The following NRDE2 variants were observed in gnomAD, a reference collection of about 807,000 sequenced individuals.
The protein encoded by NRDE2 is NRDE-2, necessary for RNA interference, domain containing.
A neutral mutation model predicts 124.2 loss-of-function variants in NRDE2; 76 were observed. The observed-to-expected ratio is 0.61, with a 90% CI of 0.51 to 0.74. The LOEUF is 0.74. Among genes scored for constraint, NRDE2 ranks in the 30% least tolerant of loss-of-function variants. NRDE2 has a pLI of 0.00. For missense variants in NRDE2, 1,314 were observed against 1,417.3 expected (o/e 0.93, Z 1.17); for synonymous variants, 489 against 528.1 (o/e 0.93, Z 1.01).
intron 4 of NRDE2, among the ~76,000 whole-genome samples, chr14:90,307,237 T>C (rs1260711231): frequency 1.3e-5 from 2 of 152,232 alleles, no homozygotes; most frequent in Non-Finnish European, 2.9e-5. Context: ...GAAAATATAA[T>C]TTGTATTGAC....
chr14:90,292,828 C>A lies in NRDE2; in HGVS notation c.1711G>T (p.Asp571Tyr). Residue 571 changes from aspartate to tyrosine, a missense_variant, in exon 9 of 14, where the codon GAT becomes TAT. Transcript: ENST00000354366. Reference sequence around the variant, plus strand: ...ATCTGCCACCTGGGCAGAGTCTTATCTTTTATTTCCTGGTCATCCTCTTCT... The same window carrying A: ...ATCTGCCACCTGGGCAGAGTCTTATATTTTATTTCCTGGTCATCCTCTTCT... ...EPEEDDQEIKDKTLPRWQIWL... is the reference protein window; with the variant it reads ...EPEEDDQEIKYKTLPRWQIWL... 1 of 1,614,176 alleles carries A rather than the reference C, an allele frequency of 6.2e-7. No individual in the cohort carries two copies. The highest frequency in any genetic ancestry group is 1.6e-4 in the Middle Eastern group (1 of 6,062).
At chr14:90,318,676 T>TGTAA (rs1442250075) in intron 1 of NRDE2, among the ~76,000 whole-genome samples, 6 of 152,158 alleles carry the variant, frequency 3.9e-5, no homozygotes, top group Non-Finnish European at 7.3e-5. Flanking sequence ...AGCACACGCC[T>TGTAA]GTAATCCCAG....
intron 3 of NRDE2, among the ~76,000 whole-genome samples, chr14:90,313,168 C>T (rs190074824): frequency 1.5e-4 from 22 of 147,948 alleles, no homozygotes; most frequent in African/African-American, 5.5e-4. Context: ...GCTCTGTCAC[C>T]CAGGCTGGAG....
intron 2 of NRDE2, chr14:90,317,575 A>C (rs1268406355): frequency 6.5e-6 from 1 of 153,336 alleles, no homozygotes; most frequent in Non-Finnish European, 1.5e-5. Context: ...ATCTAAAACA[A>C]AATTCTTTCA....
intron 4 of NRDE2, among the ~76,000 whole-genome samples, chr14:90,308,996 A>G (rs1441383604): frequency 6.6e-6 from 1 of 151,810 alleles, no homozygotes; most frequent in Non-Finnish European, 1.5e-5. Flanking sequence ...TAATCCCAGC[A>G]CTTTGGGAGG....
chr14:90,306,809 C>CAA (rs34221775), intron 4 of NRDE2, among the ~76,000 whole-genome samples: 195 of 135,408 alleles, frequency 1.4e-3, no homozygotes, highest in African/African-American at 4.2e-3. Context: ...GACTTGGTCT[C>CAA]AAAAAAAAAA....
chr14:90,321,610 AATC>A (rs1193137992), intron 1 of NRDE2, among the ~76,000 whole-genome samples: 2 of 151,892 alleles, frequency 1.3e-5, no homozygotes, highest in Admixed American at 1.3e-4. Context: ...TTTGAACATG[AATC>A]ATCATGGATC....
intron 12 of NRDE2, chr14:90,281,500 T>G (rs574940489): frequency 3.3e-5 from 5 of 152,314 alleles, no homozygotes; most frequent in African/African-American, 1.2e-4. Flanking sequence ...CGAGTAACAG[T>G]GGCAGGCAGC....
chr14:90,268,029 T>C lies in NRDE2; in HGVS notation c.*10307A>G. 2 of 506,266 alleles carry C rather than the reference T, an allele frequency of 4.0e-6. No homozygotes were observed. Among genetic ancestry groups the C allele is most frequent in the Non-Finnish European group, 6.9e-6 (2 of 289,494 alleles). The allele number at this position is 506,266 out of a possible 1,614,324, so 31.4% of individuals were successfully genotyped here. ...AAAATAGCTAAGGATAATCCAAACA[T>C]GTTAGTAGATTTTTCTAAATGTCCT... On this transcript the variant is annotated 3_prime_UTR_variant, in exon 14 of 14. Coordinates refer to ENST00000354366, the MANE Select transcript of NRDE2 (RefSeq NM_017970.4).
At chr14:90,311,266 T>G (rs1320451207) in intron 4 of NRDE2, among the ~76,000 whole-genome samples, 1 of 152,228 alleles carries the variant, frequency 6.6e-6, no homozygotes, top group East Asian at 1.9e-4. Context: ...GTTATTGTTC[T>G]TTATGTTCCC....
Position 90,277,215 on chromosome 14 carries a change from G to GCTCT in NRDE2, c.*1117_*1120dup, listed in dbSNP as rs1332228776. 1.3e-5 allele frequency: 2 copies of GCTCT among 152,318 alleles called. No homozygotes were observed. The highest frequency in any genetic ancestry group is 2.4e-5 in the African/African-American group (1 of 41,446). The allele number at this position is 152,318 out of a possible 1,614,324, so 9.4% of individuals were successfully genotyped here. Reference sequence around the variant, plus strand: ...AGTTTCCCACCGTGCCCTGGGAGGTGCTCTCGTGCGCTGCCCTGCCTGCTG... The same window carrying GCTCT: ...AGTTTCCCACCGTGCCCTGGGAGGTGCTCTCTCTCGTGCGCTGCCCTGCCTGCTG... On this transcript the variant is annotated 3_prime_UTR_variant, in exon 14 of 14. Transcript: ENST00000354366.
At chr14:90,290,103 G>A (rs750266266) in intron 10 of NRDE2, 118 bp downstream of exon 10, 88 of 1,086,162 alleles carry the variant, frequency 8.1e-5, no homozygotes, top group Non-Finnish European at 7.7e-5. Context: ...AGGGTCACTG[G>A]AGGAGGAGGT....
chr14:90,278,957 C>T lies in NRDE2; in HGVS notation c.3369+105G>A, dbSNP rs894223089. 7.5e-6 allele frequency: 6 copies of T among 800,534 alleles called. 1 individual carries two copies. The highest frequency in any genetic ancestry group is 3.4e-5 in the African/African-American group (2 of 59,218). The allele number at this position is 800,534 out of a possible 1,614,324, so 49.6% of individuals were successfully genotyped here. Reference sequence around the variant, plus strand: ...GGGACAGGGTATGGCGTCCATGAGCCGAGCATCCCCGGTGCCGCGGGGCAG... The same window carrying T: ...GGGACAGGGTATGGCGTCCATGAGCTGAGCATCCCCGGTGCCGCGGGGCAG... On this transcript the variant is annotated intron_variant, in intron 13 of 13. Transcript: ENST00000354366.
At chr14:90,284,055 C>T (rs1892030918) in intron 12 of NRDE2, among the ~76,000 whole-genome samples, 1 of 152,088 alleles carries the variant, frequency 6.6e-6, no homozygotes, top group South Asian at 2.1e-4. Context: ...CAAGAATGTG[C>T]CCATTATTCC....
chr14:90,331,458 G>A (rs991837435), intron 1 of NRDE2, among the ~76,000 whole-genome samples: 2 of 152,224 alleles, frequency 1.3e-5, no homozygotes, highest in East Asian at 3.8e-4. Context: ...TAACAGGAAA[G>A]GAAGTAATAT....
At chr14:90,328,582 C>T (rs923144658) in intron 1 of NRDE2, among the ~76,000 whole-genome samples, 9 of 152,202 alleles carry the variant, frequency 5.9e-5, no homozygotes, top group African/African-American at 1.9e-4. Flanking sequence ...ACTGGTCAAT[C>T]TTAACATCAC....
rs1332395645 is a variant in NRDE2 at position 90,312,513 on chromosome 14, T to C, written c.438A>G (p.Gly146=). The C allele has an allele frequency of 6.2e-7, 1 of 1,614,060 alleles. No homozygotes were observed. The highest frequency in any genetic ancestry group is 1.3e-5 in the African/African-American group (1 of 75,012). Residue 146 remains glycine (G), a synonymous_variant, in exon 4 of 14, where the codon GGA becomes GGG. Transcript: ENST00000354366. ...TGTCCTCAAGCCAAACAAAGCGATG[T>C]CCAGTATCAGCTGCAGCATTATTTC... The part of the protein sequence containing the change: ...NQGNNAAADT[G]HRFVWLEDIQ...
At chr14:90,331,554 G>A (rs144574632) in intron 1 of NRDE2, among the ~76,000 whole-genome samples, 9 of 152,320 alleles carry the variant, frequency 5.9e-5, no homozygotes, top group African/African-American at 2.2e-4. Context: ...AAGTAACTGA[G>A]GCTCGAAAAG....
intron 1 of NRDE2, among the ~76,000 whole-genome samples, chr14:90,320,059 C>T (rs1885187636): frequency 6.6e-6 from 1 of 152,196 alleles, no homozygotes; most frequent in Admixed American, 6.5e-5. Flanking sequence ...TTCCATTTCC[C>T]TAATGACTAA....
Sources: gnomAD v4.1 joint callset for allele counts (sites outside exome capture counted in the v4.1 genomes callset) on GRCh38, gnomAD v4.1.1 for gene constraint, MANE v1.5 for transcripts, NCBI Gene and HGNC (gene_info 2026-07-23, HGNC 2026-07-21) for gene names.